The following PFKP variants were observed in gnomAD, a reference collection of about 807,000 sequenced individuals.
PFKP encodes the protein ATP-dependent 6-phosphofructokinase, platelet type.
Under a neutral mutation model 94.3 loss-of-function variants are expected in PFKP, and 101 were observed. That is an observed-to-expected ratio of 1.07 (90% confidence interval 0.91 to 1.26). PFKP has a LOEUF of 1.26. Ranked by LOEUF, PFKP falls within the 50% of genes most tolerant of loss-of-function variation. The pLI is 0.00. For synonymous variants in PFKP, 573 were observed against 432.6 expected (o/e 1.32, Z -4.03); for missense variants, 1,145 against 1,103.3 (o/e 1.04, Z -0.53).
At position 3,104,399 on chromosome 10, in the gene PFKP, G is replaced by A. The variant is rs148490835; in HGVS notation, c.620+455G>A. 2.2e-4 allele frequency among the ~76,000 whole-genome samples: 34 copies of A among 152,292 alleles called. No individual in the cohort carries two copies. In the East Asian group the frequency reaches 4.2e-3, roughly 19 times the overall value. On this transcript the variant is annotated intron_variant, in intron 5 of 21. Transcript: ENST00000381125. ...AGCAGGTTATCACTAAAGACTGTGG[G>A]GCGCACCGTACAATTTCTGAAGCAA...
intron 3 of PFKP, among the ~76,000 whole-genome samples, chr10:3,099,904 C>G (rs1834815106): frequency 7.2e-6 from 1 of 138,882 alleles, no homozygotes; most frequent in South Asian, 2.4e-4. Context: ...CTGTGTGAGT[C>G]TGGTGTGTGT....
chr10:3,067,557 T>G lies in PFKP; in HGVS notation c.-39T>G, dbSNP rs1026790491. 7.0e-6 allele frequency: 8 copies of G among 1,149,776 alleles called. No individual in the cohort carries two copies. The East Asian group carries it at 2.4e-4, about 34-fold the overall frequency. The allele number at this position is 1,149,776 out of a possible 1,614,324, so 71.2% of individuals were successfully genotyped here. On this transcript the variant is annotated 5_prime_UTR_variant, in exon 1 of 22. Transcript: ENST00000381125. Reference sequence around the variant, plus strand: ...CGCGGGCAGGGTCCCCATTGCCTGCTGCGCACCCGGACGTGCGGCTCCCCT... The same window carrying G: ...CGCGGGCAGGGTCCCCATTGCCTGCGGCGCACCCGGACGTGCGGCTCCCCT...
intron 21 of PFKP, 32 bp from the exon 22 acceptor site, chr10:3,136,418 G>A (rs772021213): frequency 2.5e-6 from 4 of 1,611,488 alleles, no homozygotes; most frequent in Non-Finnish European, 3.4e-6. Context: ...AGTGACTGCA[G>A]GCCTCACTGC....
chr10:3,082,270 A>T (rs1833143038), intron 1 of PFKP, 118 bp from the exon 2 acceptor site: 1 of 615,440 alleles, frequency 1.6e-6, no homozygotes, highest in East Asian at 2.9e-5. Context: ...CCCATTTCTC[A>T]TATTAGGAAA....
In PFKP at chr10:3,128,031, G is replaced by A. The variant is rs562885082; in HGVS notation, c.1684-1788G>A. ...TCTCAAGTCCACACCCCCACTTCAT[G>A]CTCTTACTCTTGGCTGAGTCCCATG... On this transcript the variant is annotated intron_variant, in intron 16 of 21. Transcript: ENST00000381125. Among the ~76,000 whole-genome samples, 8 of 152,282 alleles carry A rather than the reference G, an allele frequency of 5.3e-5. No homozygotes were observed. In the South Asian group the frequency reaches 1.5e-3, roughly 28 times the overall value.
intron 2 of PFKP, among the ~76,000 whole-genome samples, chr10:3,090,841 T>G (rs1309693963): frequency 6.6e-6 from 1 of 152,178 alleles, no homozygotes; most frequent in South Asian, 2.1e-4. Context: ...GTTTTATTTT[T>G]TTAAGGATGA....
chr10:3,111,672 G>A (rs10903969), intron 10 of PFKP, among the ~76,000 whole-genome samples: 42,767 of 151,912 alleles, frequency 0.28, 7,335 homozygotes, highest in Non-Finnish European at 0.39. Context: ...AGTTCAGAGC[G>A]AGAAAGAACT....
chr10:3,077,205 A>G (rs540188851), intron 1 of PFKP, among the ~76,000 whole-genome samples: 12 of 151,970 alleles, frequency 7.9e-5, no homozygotes, highest in African/African-American at 2.9e-4. Context: ...GGAGGAGGTA[A>G]AAGATAGACC....
chr10:3,119,778 C>A, intron 15 of PFKP, 114 bp from the exon 16 acceptor site: 2 of 538,030 alleles, frequency 3.7e-6, no homozygotes, highest in Non-Finnish European at 5.6e-6. Flanking sequence ...TTTCGTGATG[C>A]CCCAGTGTGC....
At chr10:3,100,400 A>G (rs1484599840) in intron 3 of PFKP, among the ~76,000 whole-genome samples, 4 of 151,316 alleles carry the variant, frequency 2.6e-5, no homozygotes, top group Non-Finnish European at 5.9e-5. Context: ...ACCTTTTCAT[A>G]ATGTTTTGAT....
chr10:3,092,868 G>A (rs1834154406), intron 2 of PFKP, among the ~76,000 whole-genome samples: 1 of 152,176 alleles, frequency 6.6e-6, no homozygotes, highest in African/African-American at 2.4e-5. Context: ...CCTGTCTGAG[G>A]AAAGGGGTGT....
chr10:3,102,268 A>AT (rs1158503507), intron 4 of PFKP, among the ~76,000 whole-genome samples: 3 of 148,014 alleles, frequency 2.0e-5, no homozygotes, highest in African/African-American at 5.0e-5. Context: ...AAAAAAAAAA[A>AT]AAAAACTGAA....
chr10:3,097,222 G>A (rs1248127556), intron 2 of PFKP, among the ~76,000 whole-genome samples: 1 of 151,558 alleles, frequency 6.6e-6, no homozygotes, highest in Non-Finnish European at 1.5e-5. Flanking sequence ...TGAGGATTAT[G>A]GCCTCCAAGA....
intron 13 of PFKP, among the ~76,000 whole-genome samples, chr10:3,114,529 G>A (rs1424198836): frequency 1.3e-5 from 2 of 152,256 alleles, no homozygotes; most frequent in African/African-American, 4.8e-5. Context: ...CGTGGAGACT[G>A]CGTTTATAGA....
chr10:3,092,785 C>T (rs959709308), intron 2 of PFKP, among the ~76,000 whole-genome samples: 17 of 152,200 alleles, frequency 1.1e-4, no homozygotes, highest in African/African-American at 4.1e-4. Flanking sequence ...CCTGCTTTTA[C>T]AATTTTTAAA....
At chr10:3,127,154 T>G (rs2131686617) in intron 16 of PFKP, among the ~76,000 whole-genome samples, 1 of 152,398 alleles carries the variant, frequency 6.6e-6, no homozygotes, top group Non-Finnish European at 1.5e-5. Context: ...AGGCTTCAGA[T>G]GCCATCTAGG....
In PFKP at chr10:3,101,562, G is replaced by C. The variant is rs373678303; in HGVS notation, c.454+8G>C. 2 of 1,519,552 alleles carry C rather than the reference G, an allele frequency of 1.3e-6. No homozygotes were observed. Among genetic ancestry groups the C allele is most frequent in the African/African-American group, 2.8e-5 (2 of 72,060 alleles). The allele number at this position is 1,519,552 out of a possible 1,614,324, so 94.1% of individuals were successfully genotyped here. ...AGGAGCTGGCCAGGAACGGTGAGTG[G>C]ACACCTGCTCCTCTGTCCTGCGGGT... On this transcript the variant is annotated splice_region_variant and intron_variant, in intron 4 of 21. Coordinates refer to ENST00000381125, the MANE Select transcript of PFKP (RefSeq NM_002627.5).
chr10:3,132,224 G>A (rs1048920506), intron 17 of PFKP, among the ~76,000 whole-genome samples, 156 bp from the exon 18 acceptor site: 1 of 152,154 alleles, frequency 6.6e-6, no homozygotes, highest in Non-Finnish European at 1.5e-5. Flanking sequence ...TCCCTATCTG[G>A]GAGGAGGCTC....
At chr10:3,129,348 CAGGG>C (rs1838295912) in intron 16 of PFKP, 1 of 153,588 alleles carries the variant, frequency 6.5e-6, no homozygotes, top group African/African-American at 2.4e-5. Flanking sequence ...TCTAAAATCA[CAGGG>C]AGCTTTTCAG....
Sources: gnomAD v4.1 joint callset for allele counts (sites outside exome capture counted in the v4.1 genomes callset) on GRCh38, gnomAD v4.1.1 for gene constraint, MANE v1.5 for transcripts, NCBI Gene and HGNC (gene_info 2026-07-23, HGNC 2026-07-21) for gene names.